Variants in GJA9 observed in about 807,000 individuals in gnomAD.
The protein encoded by GJA9 is gap junction alpha-9 protein.
In GJA9, 1 loss-of-function variant was observed where a neutral mutation model predicts 0.4. The ratio of observed to expected loss-of-function variants is 2.50; its 90% CI spans 0.89 to 11.88. GJA9 has a LOEUF of 11.88. GJA9 is among the 30% of genes most tolerant of loss of function. The pLI is 0.12. For missense variants in GJA9, 550 were observed against 602.8 expected (o/e 0.91, Z 0.92); for synonymous variants, 190 against 219.1 (o/e 0.87, Z 1.17).
Position 38,876,206 on chromosome 1 carries a change from T to C in GJA9, c.-95-13A>G. 1.2e-6 allele frequency: 1 copy of C among 845,256 alleles called. No individual in the cohort carries two copies. Among genetic ancestry groups the C allele is most frequent in the South Asian group, 1.7e-5 (1 of 60,404 alleles). 52.4% of individuals were successfully genotyped at this position (845,256 alleles called of 1,614,324 possible). A position where few individuals can be genotyped will look rare whatever the true frequency, so the allele number is the denominator to read the frequency against. On this transcript the variant is annotated splice_polypyrimidine_tract_variant and intron_variant, in intron 1 of 1. Transcript: ENST00000357771. ...TCTTAAAGCAAACCTATGGTGAAAA[T>C]ATAACAATATGTCACTTCTATATGC...
At position 38,875,297 on chromosome 1, in the gene GJA9, G is replaced by A. The variant is rs761149114; in HGVS notation, c.802C>T (p.Gln268Ter). 6.2e-7 allele frequency: 1 copy of A among 1,614,088 alleles called. No homozygotes were observed. The highest frequency in any genetic ancestry group is 8.5e-7 in the Non-Finnish European group (1 of 1,179,996). ...TTCAGTGAATTTGCAGATGTGCTCT[G>A]GTATTTGGCTACATTTTGTTTTGCC... ...NKAKQNVAKYQSTSANSLKRL... is the reference protein window; with the variant it reads ...NKAKQNVAKY Residue 268 changes from glutamine to a stop codon, truncating the protein, a stop_gained, in exon 2 of 2, where the codon CAG becomes TAG. Coordinates refer to ENST00000357771, the MANE Select transcript of GJA9 (RefSeq NM_030772.5). LOFTEE classifies it low-confidence loss of function (END_TRUNC).
At chr1:38,879,483 T>G (rs954057540) in intron 1 of GJA9, among the ~76,000 whole-genome samples, 2 of 152,208 alleles carry the variant, frequency 1.3e-5, no homozygotes, top group African/African-American at 2.4e-5. Flanking sequence ...GTCACACAGC[T>G]GGAGCTGGCA....
At chr1:38,876,799 C>A (rs988416568) in intron 1 of GJA9, among the ~76,000 whole-genome samples, 9 of 151,936 alleles carry the variant, frequency 5.9e-5, no homozygotes, top group Admixed American at 3.3e-4. Context: ...TCCAGACCAG[C>A]CTGGCCAACA....
In GJA9 at chr1:38,876,015, G is replaced by C; in HGVS notation, c.84C>G (p.Ile28Met). 1 of 1,614,206 alleles carries C rather than the reference G, an allele frequency of 6.2e-7. No individual in the cohort carries two copies. Among genetic ancestry groups the C allele is most frequent in the Non-Finnish European group, 8.5e-7 (1 of 1,180,050 alleles). ...STMIGKIWLTILFIFRMLVLG... is the reference protein window; with the variant it reads ...STMIGKIWLTMLFIFRMLVLG... ...GAACAAGCATTCGAAATATGAACAGGATGGTGAGCCAGATCTTTCCAATCA... is the reference window on the plus strand; with the variant it reads ...GAACAAGCATTCGAAATATGAACAGCATGGTGAGCCAGATCTTTCCAATCA... Residue 28 changes from isoleucine to methionine, a missense_variant, in exon 2 of 2, where the codon ATC (isoleucine) becomes ATG (methionine). By Grantham distance (10) the Ile-to-Met change is conservative. Coordinates refer to ENST00000357771, the MANE Select transcript of GJA9 (RefSeq NM_030772.5).
intron 1 of GJA9, among the ~76,000 whole-genome samples, chr1:38,877,340 ATTG>A (rs1490081110): frequency 2.0e-5 from 3 of 152,072 alleles, no homozygotes; most frequent in South Asian, 2.1e-4. Context: ...TGCCCAGCCT[ATTG>A]TTGTTTTTCA....
rs771335080 is a variant in GJA9, at chr1:38,875,777, G to T, written c.322C>A (p.Gln108Lys). The T allele has an allele frequency of 1.9e-6, 3 of 1,614,166 alleles. No homozygotes were observed. Among genetic ancestry groups the T allele is most frequent in the Non-Finnish European group, 2.5e-6 (3 of 1,180,040 alleles). ...ACTCTTAACTGAGCTTTCATCCTTT[G>T]CCTCTCTTCCTCAAGAACTCTCAGT... is the stretch of plus-strand genomic sequence containing the variant. ...YRLRVLEEER[Q>K]RMKAQLRVEL... Residue 108 changes from glutamine (Q) to lysine (K), a missense_variant, in exon 2 of 2, where the codon CAA becomes AAA. Physicochemically the swap from Gln to Lys is moderately conservative, Grantham distance 53. Coordinates refer to ENST00000357771, the MANE Select transcript of GJA9 (RefSeq NM_030772.5).
At chr1:38,879,469 T>C (rs1028717208) in intron 1 of GJA9, among the ~76,000 whole-genome samples, 1 of 152,204 alleles carries the variant, frequency 6.6e-6, no homozygotes, top group Non-Finnish European at 1.5e-5. Context: ...TTAATTTACC[T>C]GAGGTCACAC....
Position 38,875,644 on chromosome 1 carries a change from G to T in GJA9, c.455C>A (p.Thr152Asn), listed in dbSNP as rs1171511305. The change falls in exon 2 of 2, where the codon ACC (threonine) becomes AAC (asparagine). Residue 152 changes from threonine to asparagine, a missense_variant. Transcript: ENST00000357771. ...RKLNKAPLRG[T>N]LLCTYVIHIF... Reference sequence around the variant, plus strand: ...GTGTATCACATAAGTGCAAAGCAAGGTTCCTCTGAGTGGAGCTTTATTTAG... The same window carrying T: ...GTGTATCACATAAGTGCAAAGCAAGTTTCCTCTGAGTGGAGCTTTATTTAG... 1.2e-6 allele frequency: 2 copies of T among 1,614,174 alleles called. No individual in the cohort carries two copies. Among genetic ancestry groups the T allele is most frequent in the South Asian group, 1.1e-5 (1 of 91,082 alleles).
Position 38,874,436 on chromosome 1 carries a change from G to T in GJA9, c.*115C>A. 1.4e-6 allele frequency: 1 copy of T among 722,696 alleles called. No individual in the cohort carries two copies. The highest frequency in any genetic ancestry group is 2.3e-6 in the Non-Finnish European group (1 of 435,420). The allele number at this position is 722,696 out of a possible 1,614,324, so 44.8% of individuals were successfully genotyped here. A position where few individuals can be genotyped will look rare whatever the true frequency, so the allele number is the denominator to read the frequency against. ...TTTCTCTTGCTTAAATGAGTTTGCAGTTGTCTGTCTTAACAGCTGGTCTTT... is the reference window on the plus strand; with the variant it reads ...TTTCTCTTGCTTAAATGAGTTTGCATTTGTCTGTCTTAACAGCTGGTCTTT... On this transcript the variant is annotated 3_prime_UTR_variant, in exon 2 of 2. Coordinates refer to ENST00000357771, the MANE Select transcript of GJA9 (RefSeq NM_030772.5).
At chr1:38,880,735 T>C (rs894492542) in intron 1 of GJA9, among the ~76,000 whole-genome samples, 1 of 152,006 alleles carries the variant, frequency 6.6e-6, no homozygotes, top group Admixed American at 6.6e-5. Context: ...TGAGCCGAGA[T>C]CTGGCCACTG....
Position 38,876,198 on chromosome 1 carries a change from G to T in GJA9, c.-95-5C>A. On this transcript the variant is annotated splice_region_variant and splice_polypyrimidine_tract_variant and intron_variant, in intron 1 of 1. Transcript: ENST00000357771. ...GCACTATTTCTTAAAGCAAACCTAT[G>T]GTGAAAATATAACAATATGTCACTT... The T allele has an allele frequency of 2.2e-6, 2 of 920,698 alleles. No individual in the cohort carries two copies. Among genetic ancestry groups the T allele is most frequent in the Non-Finnish European group, 3.4e-6 (2 of 590,296 alleles). The allele number at this position is 920,698 out of a possible 1,614,324, so 57.0% of individuals were successfully genotyped here.
At position 38,874,263 on chromosome 1, in the gene GJA9, AC is replaced by A. The variant is rs1173206913; in HGVS notation, c.*287del. The A allele has an allele frequency of 2.7e-6, 1 of 364,552 alleles. No homozygotes were observed. Among genetic ancestry groups the A allele is most frequent in the African/African-American group, 2.1e-5 (1 of 48,082 alleles). 22.6% of individuals were successfully genotyped at this position (364,552 alleles called of 1,614,324 possible). On this transcript the variant is annotated 3_prime_UTR_variant, in exon 2 of 2. Coordinates refer to ENST00000357771, the MANE Select transcript of GJA9 (RefSeq NM_030772.5). The stretch of plus-strand genomic sequence containing the variant: ...CTCTTCAAAGAGAAAACCTGATCAA[AC>A]CATTTAGCCTCAATTCTGAACATGT...
At chr1:38,881,322 C>G (rs544958152) in intron 1 of GJA9, 110 bp downstream of exon 1, 1 of 523,748 alleles carries the variant, frequency 1.9e-6, no homozygotes, top group African/African-American at 2.0e-5. Context: ...TAGCAAATGA[C>G]ATAAAAACTG....
rs905045690 is a variant in GJA9, at chr1:38,874,562, G to C, written c.1537C>G (p.Leu513Val). 3 of 1,613,116 alleles carry C rather than the reference G, an allele frequency of 1.9e-6. No homozygotes were observed. The highest frequency in any genetic ancestry group is 2.5e-6 in the Non-Finnish European group (3 of 1,179,154). ...NLIGRRVPTDLQI is the reference protein window; with the variant it reads ...NLIGRRVPTDVQI ...AAGCCAACCGCTGTTTAGATCTGAA[G>C]ATCTGTGGGAACCCGCCTACCAATG... The change falls in exon 2 of 2, where the codon CTT becomes GTT. Residue 513 changes from leucine (L) to valine (V), a missense_variant. By Grantham distance (32) the Leu-to-Val change is conservative. Coordinates refer to ENST00000357771, the MANE Select transcript of GJA9 (RefSeq NM_030772.5).
rs749996613 is a variant in GJA9, at chr1:38,875,210, A to G, written c.889T>C (p.Tyr297His). The change falls in exon 2 of 2, where the codon TAC (tyrosine) becomes CAC (histidine). Residue 297 changes from tyrosine to histidine, a missense_variant. Tyr to His is a moderately conservative substitution (Grantham distance 83). Transcript: ENST00000357771. ...ACAGAAGATGAATTTAAACTAGGGT[A>G]CACTGCAGTGTGTGTTTGCTTTTCC... The part of the protein sequence containing the change: ...LVEKQTHTAV[Y>H]PSLNSSSVFQ... 1 of 1,614,138 alleles carries G rather than the reference A, an allele frequency of 6.2e-7. No homozygotes were observed. The highest frequency in any genetic ancestry group is 2.2e-5 in the East Asian group (1 of 44,876).
At position 38,875,117 on chromosome 1, in the gene GJA9, C is replaced by T; in HGVS notation, c.982G>A (p.Val328Ile). The T allele has an allele frequency of 3.7e-6, 6 of 1,614,152 alleles. No individual in the cohort carries two copies. Among genetic ancestry groups the T allele is most frequent in the Non-Finnish European group, 5.1e-6 (6 of 1,180,012 alleles). The change falls in exon 2 of 2, where the codon GTA becomes ATA. Residue 328 changes from valine (V) to isoleucine (I), a missense_variant. Physicochemically the swap from Val to Ile is conservative, Grantham distance 29. Transcript: ENST00000357771. ...AGTGTGGAAATCTCATTAGAAAGTA[C>T]AGTTTCCTGTTCATCCAAAATGCAT... is the stretch of plus-strand genomic sequence containing the variant. ...EKCILDEQET[V>I]LSNEISTLST... is the part of the protein sequence containing the mutation.
In GJA9 at chr1:38,875,980, G is replaced by T. The variant is rs747322908; in HGVS notation, c.119C>A (p.Ala40Glu). 6.2e-7 allele frequency: 1 copy of T among 1,614,190 alleles called. No individual in the cohort carries two copies. The highest frequency in any genetic ancestry group is 1.7e-5 in the Admixed American group (1 of 60,026). ...CTCATCATTCCAGACATCTTCAGCT[G>T]CTACACCCAGAACAAGCATTCGAAA... ...FIFRMLVLGV[A>E]AEDVWNDEQS... Residue 40 changes from alanine to glutamate, a missense_variant, in exon 2 of 2, where the codon GCA (alanine) becomes GAA (glutamate). Physicochemically the swap from Ala to Glu is moderately radical, Grantham distance 107. Transcript: ENST00000357771.
chr1:38,875,608 C>G lies in GJA9; in HGVS notation c.491G>C (p.Arg164Pro). 1 of 1,614,148 alleles carries G rather than the reference C, an allele frequency of 6.2e-7. No individual in the cohort carries two copies. ...LCTYVIHIFT[R>P]SVVEVGFMIG... ...CATGAATCCAACTTCAACCACAGAG[C>G]GAGTGAAAATGTGTATCACATAAGT... Residue 164 changes from arginine to proline, a missense_variant, in exon 2 of 2, where the codon CGC (arginine) becomes CCC (proline). By Grantham distance (103) the Arg-to-Pro change is moderately radical (BLOSUM62 -2). Transcript: ENST00000357771.
At position 38,875,735 on chromosome 1, in the gene GJA9, C is replaced by T; in HGVS notation, c.364G>A (p.Glu122Lys). 1 of 1,614,246 alleles carries T rather than the reference C, an allele frequency of 6.2e-7. No homozygotes were observed. The highest frequency in any genetic ancestry group is 8.5e-7 in the Non-Finnish European group (1 of 1,180,042). Residue 122 changes from glutamate to lysine, a missense_variant, in exon 2 of 2, where the codon GAG becomes AAG. Physicochemically the swap from Glu to Lys is moderately conservative, Grantham distance 56. Coordinates refer to ENST00000357771, the MANE Select transcript of GJA9 (RefSeq NM_030772.5). ...CTCCGATCCCTAGGCATTTCAAACT[C>T]TACCTCCTCCAGTTCTACTCTTAAC... ...AQLRVELEEV[E>K]FEMPRDRRRL...
Sources: gnomAD v4.1 joint callset for allele counts (sites outside exome capture counted in the v4.1 genomes callset) on GRCh38, gnomAD v4.1.1 for gene constraint, MANE v1.5 for transcripts, NCBI Gene and HGNC (gene_info 2026-07-23, HGNC 2026-07-21) for gene names.